ADAMTSL3: variants seen among roughly 807,000 people sequenced by gnomAD.
The protein encoded by ADAMTSL3 is ADAMTS like 3.
Under a neutral mutation model 201.7 loss-of-function variants are expected in ADAMTSL3, and 128 were observed. The observed-to-expected ratio is 0.63, with a 90% CI of 0.55 to 0.73. The LOEUF (loss-of-function observed/expected upper bound fraction) is 0.73. Among genes scored for constraint, ADAMTSL3 ranks in the 30% least tolerant of loss-of-function variants. The pLI, the probability that ADAMTSL3 is intolerant of heterozygous loss-of-function variation, is 0.00. For synonymous variants in ADAMTSL3, 738 were observed against 748.4 expected, an observed-to-expected ratio of 0.99 and a Z score of 0.23; for missense variants, 1,990 against 2,119.6, an observed-to-expected ratio of 0.94 and a Z score of 1.20.
At chr15:83,825,512 CA>C (rs1294101645) in intron 6 of ADAMTSL3, among the ~76,000 whole-genome samples, 1 of 152,062 alleles carries the variant, frequency 6.6e-6, no homozygotes, top group East Asian at 1.9e-4. Context: ...ACTTGCTACT[CA>C]GGTACCTGAG....
intron 3 of ADAMTSL3, among the ~76,000 whole-genome samples, chr15:83,757,977 T>C (rs1390898708): frequency 6.6e-6 from 1 of 152,182 alleles, no homozygotes; most frequent in Non-Finnish European, 1.5e-5. Context: ...TAGATTTCAT[T>C]GTCCATATCA....
intron 3 of ADAMTSL3, among the ~76,000 whole-genome samples, chr15:83,718,878 A>G (rs2141566735): frequency 6.6e-6 from 1 of 152,318 alleles, no homozygotes; most frequent in Non-Finnish European, 1.5e-5. Flanking sequence ...AAAAAACCCA[A>G]ATATTCATTC....
At chr15:83,817,323 G>T (rs2063785251) in intron 5 of ADAMTSL3, among the ~76,000 whole-genome samples, 1 of 152,170 alleles carries the variant, frequency 6.6e-6, no homozygotes, top group Non-Finnish European at 1.5e-5. Flanking sequence ...AAAAAGAAAA[G>T]CTAGATTTCT....
intron 1 of ADAMTSL3, among the ~76,000 whole-genome samples, chr15:83,655,351 T>G (rs532026927): frequency 6.6e-6 from 1 of 152,352 alleles, no homozygotes; most frequent in Admixed American, 6.5e-5. Flanking sequence ...TTTGTTGTCT[T>G]AGACTCATTT....
chr15:83,848,139 GAAA>G (rs887060486), intron 7 of ADAMTSL3, among the ~76,000 whole-genome samples: 1 of 144,122 alleles, frequency 6.9e-6, no homozygotes, highest in Non-Finnish European at 1.5e-5. Context: ...ATTTTGTTCA[GAAA>G]AAAAAACCCA....
At position 83,914,835 on chromosome 15, in the gene ADAMTSL3, T is replaced by G. The variant is rs2065999802; in HGVS notation, c.1987+1457T>G. 5.8e-5 allele frequency among the ~76,000 whole-genome samples: 8 copies of G among 136,936 alleles called. No homozygotes were observed. In the Admixed American group the frequency reaches 6.2e-4, roughly 11 times the overall value. The allele number at this position is 136,936 out of a possible 152,430, so 89.8% of individuals were successfully genotyped here. ...GACACGTTTTTGTTTGTTTGTTGTT[T>G]TTTGTTTGTTTGGTTTTGTTTGTTT... On this transcript the variant is annotated intron_variant, in intron 16 of 29. Coordinates refer to ENST00000286744, the MANE Select transcript of ADAMTSL3 (RefSeq NM_207517.3).
At chr15:83,953,246 A>G (rs1000068263) in intron 19 of ADAMTSL3, among the ~76,000 whole-genome samples, 3 of 150,578 alleles carry the variant, frequency 2.0e-5, no homozygotes, top group Non-Finnish European at 4.4e-5. Context: ...AGTACAGGTG[A>G]TTTTTTTCTG....
chr15:83,883,676 A>G (rs2065326420), intron 9 of ADAMTSL3, among the ~76,000 whole-genome samples: 1 of 150,600 alleles, frequency 6.6e-6, no homozygotes, highest in African/African-American at 2.4e-5. Context: ...CTGCCTCAGC[A>G]TCCCCAGTAG....
intron 6 of ADAMTSL3, among the ~76,000 whole-genome samples, chr15:83,832,008 C>G (rs2064166807): frequency 6.6e-6 from 1 of 151,990 alleles, no homozygotes. Context: ...ATAACAGAAA[C>G]AAAGGAGACA....
At chr15:83,753,013 C>T (rs965200165) in intron 3 of ADAMTSL3, among the ~76,000 whole-genome samples, 2 of 152,188 alleles carry the variant, frequency 1.3e-5, no homozygotes, top group African/African-American at 4.8e-5. Context: ...TGCTTGCAAT[C>T]ATGAGTTTTC....
At chr15:83,700,747 G>A (rs928848452) in intron 2 of ADAMTSL3, among the ~76,000 whole-genome samples, 10 of 152,146 alleles carry the variant, frequency 6.6e-5, no homozygotes, top group South Asian at 2.1e-4. Context: ...CTGGGTGACA[G>A]AGCAAGACTC....
intron 12 of ADAMTSL3, among the ~76,000 whole-genome samples, chr15:83,892,336 C>T (rs1320772018): frequency 6.6e-6 from 1 of 151,826 alleles, no homozygotes; most frequent in African/African-American, 2.4e-5. Context: ...TCTAGATTAG[C>T]CTGGCCAACA....
intron 2 of ADAMTSL3, among the ~76,000 whole-genome samples, chr15:83,698,956 GAT>G (rs1247630426): frequency 4.6e-5 from 7 of 151,756 alleles, no homozygotes; most frequent in African/African-American, 1.7e-4. Flanking sequence ...TACTCTAATT[GAT>G]GTTCATTTTT....
intron 2 of ADAMTSL3, among the ~76,000 whole-genome samples, chr15:83,695,440 A>AT (rs2061675623): frequency 1.3e-5 from 2 of 151,938 alleles, no homozygotes; most frequent in South Asian, 4.2e-4. Flanking sequence ...TAAACAGCTC[A>AT]TTCTGAGTAA....
At chr15:83,736,213 A>G (rs2062367427) in intron 3 of ADAMTSL3, among the ~76,000 whole-genome samples, 1 of 152,200 alleles carries the variant, frequency 6.6e-6, no homozygotes, top group East Asian at 1.9e-4. Context: ...CCCCTTTCCA[A>G]TATTAACTGT....
intron 15 of ADAMTSL3, among the ~76,000 whole-genome samples, chr15:83,904,095 A>G (rs530547375): frequency 6.6e-6 from 1 of 151,510 alleles, no homozygotes; most frequent in South Asian, 2.1e-4. Context: ...AAGGTTCTTT[A>G]CTCCTGAAGG....
At chr15:83,817,234 A>G (rs2063783967) in intron 5 of ADAMTSL3, among the ~76,000 whole-genome samples, 1 of 152,242 alleles carries the variant, frequency 6.6e-6, no homozygotes, top group African/African-American at 2.4e-5. Context: ...TAAACAATAA[A>G]ATACAAACGT....
chr15:83,946,828 C>G (rs1304303312), intron 19 of ADAMTSL3, among the ~76,000 whole-genome samples: 1 of 152,182 alleles, frequency 6.6e-6, no homozygotes, highest in Non-Finnish European at 1.5e-5. Context: ...GGGCAAAGAG[C>G]AAGCTCTTCT....
At chr15:83,834,498 T>C (rs1031032932) in intron 6 of ADAMTSL3, among the ~76,000 whole-genome samples, 1 of 152,222 alleles carries the variant, frequency 6.6e-6, no homozygotes, top group Non-Finnish European at 1.5e-5. Flanking sequence ...AAAAATTGTT[T>C]TGTTCTTGAA....
Sources: allele counts gnomAD v4.1 joint callset (sites outside exome capture counted in the v4.1 genomes callset), GRCh38; gene constraint gnomAD v4.1.1; transcripts MANE v1.5; gene names NCBI Gene and HGNC (gene_info 2026-07-23, HGNC 2026-07-21).